MROH1: variants seen among roughly 807,000 people sequenced by gnomAD.
MROH1 encodes maestro heat-like repeat-containing protein family member 1.
In MROH1, 117 loss-of-function variants were observed where a neutral mutation model predicts 116.5. The ratio of observed to expected loss-of-function variants is 1.00; its 90% CI spans 0.86 to 1.17. The LOEUF (loss-of-function observed/expected upper bound fraction) is 1.17. MROH1 is among the 50% of genes most tolerant of loss of function. The pLI is 0.00. For synonymous variants in MROH1, 921 were observed against 583.9 expected (o/e 1.58, Z -8.32); for missense variants, 1,873 against 1,338.5 (o/e 1.40, Z -6.23).
intron 12 of MROH1, among the ~76,000 whole-genome samples, chr8:144,210,251 C>A (rs1459063820): frequency 6.6e-6 from 1 of 151,890 alleles, no homozygotes; most frequent in East Asian, 1.9e-4. Context: ...CCAGCCTGGC[C>A]AATACAGGGA....
At chr8:144,211,158 T>C (rs1265137839) in intron 12 of MROH1, among the ~76,000 whole-genome samples, 1 of 152,218 alleles carries the variant, frequency 6.6e-6, no homozygotes, top group Non-Finnish European at 1.5e-5. Context: ...CCATCTGAAT[T>C]TCTAGCACAT....
chr8:144,180,532 C>A lies in MROH1; in HGVS notation c.562+9C>A. The A allele has an allele frequency of 6.2e-7, 1 of 1,606,418 alleles. No individual in the cohort carries two copies. The highest frequency in any genetic ancestry group is 8.5e-7 in the Non-Finnish European group (1 of 1,178,966). On this transcript the variant is annotated intron_variant, in intron 7 of 43. Transcript: ENST00000326134. The surrounding 1 kb of genome is among the most constrained non-coding windows in gnomAD (Gnocchi z 7.4). ...CGTGGCCTTCTGCTCCGGTAAGAGG[C>A]GGCCTCGTCACCTTCTGTCTCAAGT...
intron 1 of MROH1, among the ~76,000 whole-genome samples, chr8:144,150,446 T>TACTAGTACAGATAGTAC (rs1287785472): frequency 2.0e-5 from 3 of 152,158 alleles, no homozygotes; most frequent in Non-Finnish European, 4.4e-5. Flanking sequence ...AGGGCATCTG[T>TACTAGTACAGATAGTAC]AGATAGATGT....
intron 37 of MROH1, 34 bp downstream of exon 37, chr8:144,259,388 A>G (rs1309569259): frequency 8.4e-6 from 6 of 714,442 alleles, no homozygotes; most frequent in Non-Finnish European, 1.6e-5. Context: ...CTGGGCACCA[A>G]GGTGGGGCTC....
chr8:144,204,350 G>A (rs2131947922), intron 12 of MROH1, among the ~76,000 whole-genome samples: 1 of 152,292 alleles, frequency 6.6e-6, no homozygotes, highest in Middle Eastern at 3.4e-3. Context: ...GGGTTCAAGT[G>A]ATCCTCTTTC....
chr8:144,205,445 A>G (rs1463997722), intron 12 of MROH1, among the ~76,000 whole-genome samples: 1 of 152,070 alleles, frequency 6.6e-6, no homozygotes, highest in African/African-American at 2.4e-5. Context: ...TTTTCCTTAT[A>G]TATGATTTGG....
At chr8:144,247,135 G>A (rs939987635) in intron 29 of MROH1, among the ~76,000 whole-genome samples, 166 bp from the exon 30 acceptor site, 5 of 152,204 alleles carry the variant, frequency 3.3e-5, no homozygotes, top group Non-Finnish European at 7.4e-5. Context: ...AGCAGGAGGG[G>A]AGGGAGGAAC....
chr8:144,160,160 G>T (rs1470073855), intron 1 of MROH1, among the ~76,000 whole-genome samples: 1 of 152,198 alleles, frequency 6.6e-6, no homozygotes, highest in Non-Finnish European at 1.5e-5. Context: ...CATGAGCTTT[G>T]TGCTGGGAGC....
intron 7 of MROH1, among the ~76,000 whole-genome samples, chr8:144,184,044 G>C (rs145531654): frequency 8.9e-4 from 135 of 152,280 alleles, no homozygotes; most frequent in Non-Finnish European, 1.5e-3. Context: ...ACCTTCCACT[G>C]TGCACCCTGG....
At chr8:144,187,519 A>G (rs979920319) in intron 7 of MROH1, among the ~76,000 whole-genome samples, 3 of 152,250 alleles carry the variant, frequency 2.0e-5, no homozygotes, top group Admixed American at 2.0e-4. Flanking sequence ...TAAAATCCCA[A>G]CACATTCCCA....
Position 144,250,087 on chromosome 8 carries a change from AC to A in MROH1, c.3274-123del, listed in dbSNP as rs1276131042. 6 of 680,638 alleles carry A rather than the reference AC, an allele frequency of 8.8e-6. No individual in the cohort carries two copies. The African/African-American group carries it at 1.1e-4, about 12-fold the overall frequency. The allele number at this position is 680,638 out of a possible 1,614,324, so 42.2% of individuals were successfully genotyped here. A position where few individuals can be genotyped will look rare whatever the true frequency, so the allele number is the denominator to read the frequency against. ...GATCCTGGCCCTACCTCAGGCTGGA[AC>A]CAGCAGTATGGAGCTCTGCATCTCA... On this transcript the variant is annotated intron_variant, in intron 32 of 43. Transcript: ENST00000326134.
intron 1 of MROH1, among the ~76,000 whole-genome samples, 195 bp from the exon 2 acceptor site, chr8:144,160,775 T>C (rs755950906): frequency 1.4e-5 from 2 of 138,704 alleles, no homozygotes; most frequent in Non-Finnish European, 3.0e-5. Flanking sequence ...GAGTCAGAAG[T>C]CTACAAGGGT....
At chr8:144,187,423 AAAAC>A (rs1055174879) in intron 7 of MROH1, among the ~76,000 whole-genome samples, 7 of 152,176 alleles carry the variant, frequency 4.6e-5, no homozygotes, top group African/African-American at 7.2e-5. Context: ...AAAAAGAAAA[AAAAC>A]CAAAATCCTA....
At chr8:144,164,026 C>T (rs535181999) in intron 3 of MROH1, among the ~76,000 whole-genome samples, 178 bp downstream of exon 3, 6 of 151,162 alleles carry the variant, frequency 4.0e-5, no homozygotes, top group Non-Finnish European at 5.9e-5. Context: ...TTCTCCCACA[C>T]GAGCCTTCAG....
chr8:144,227,766 A>G (rs1838073562), intron 14 of MROH1, among the ~76,000 whole-genome samples: 1 of 152,066 alleles, frequency 6.6e-6, no homozygotes, highest in Admixed American at 6.6e-5. Flanking sequence ...CCTGGGCAAC[A>G]TAGCGAGACC....
intron 12 of MROH1, chr8:144,200,813 C>G: frequency 2.3e-6 from 1 of 426,130 alleles, no homozygotes; most frequent in Non-Finnish European, 4.4e-6. Flanking sequence ...GTGACCATGC[C>G]TCTGAGGGTT....
chr8:144,256,412 C>G (rs1486444066), intron 35 of MROH1, among the ~76,000 whole-genome samples: 3 of 135,878 alleles, frequency 2.2e-5, no homozygotes, highest in African/African-American at 8.5e-5. Flanking sequence ...CCCTGCCCCC[C>G]TTGGCCAGGA....
At chr8:144,156,005 G>A (rs1303080906) in intron 1 of MROH1, among the ~76,000 whole-genome samples, 4 of 151,880 alleles carry the variant, frequency 2.6e-5, no homozygotes, top group African/African-American at 9.7e-5. Flanking sequence ...TTGGGAGGCC[G>A]AGGCGGGTGG....
At position 144,179,445 on chromosome 8, in the gene MROH1, C is replaced by G. The variant is rs558767339; in HGVS notation, c.169-10C>G. On this transcript the variant is annotated splice_polypyrimidine_tract_variant and intron_variant, in intron 4 of 43. Coordinates refer to ENST00000326134, the MANE Select transcript of MROH1 (RefSeq NM_032450.3). ...CACCTGGGACCGACCTGGACGGTGT[C>G]TCTCCGCAGCTGGCACACCCATACC... 5.3e-5 allele frequency: 86 copies of G among 1,613,022 alleles called. No individual in the cohort carries two copies. The highest frequency in any genetic ancestry group is 1.0e-4 in the Admixed American group (6 of 59,984).
Sources: gnomAD v4.1 joint callset for allele counts (sites outside exome capture counted in the v4.1 genomes callset) on GRCh38, gnomAD v4.1.1 for gene constraint, Gnocchi (gnomAD v3.1) non-coding constraint, MANE v1.5 for transcripts, NCBI Gene and HGNC (gene_info 2026-07-23, HGNC 2026-07-21) for gene names.